Variants in TEX14 observed in about 807,000 individuals in gnomAD.
TEX14 encodes inactive serine/threonine-protein kinase TEX14.
A neutral mutation model predicts 178.6 loss-of-function variants in TEX14; 168 were observed. That is an observed-to-expected ratio of 0.94 (90% CI 0.83 to 1.07). The LOEUF (loss-of-function observed/expected upper bound fraction) is 1.07. Among genes scored for constraint, TEX14 ranks in the 50% least tolerant of loss-of-function variants. TEX14 has a pLI of 0.00. For missense variants in TEX14, 1,730 were observed against 1,753.6 expected, an observed-to-expected ratio of 0.99 and a Z score of 0.24; for synonymous variants, 626 against 634.1, an observed-to-expected ratio of 0.99 and a Z score of 0.19.
chr17:58,630,703 A>C (rs1307675285), intron 2 of TEX14, 149 bp from the exon 3 acceptor site: 1 of 595,744 alleles, frequency 1.7e-6, no homozygotes, highest in Non-Finnish European at 3.0e-6. Context: ...GAAGGTCTTC[A>C]TTAGTAGCAC....
chr17:58,621,789 G>C lies in TEX14; in HGVS notation c.418-3C>G. On this transcript the variant is annotated splice_region_variant and splice_polypyrimidine_tract_variant and intron_variant, in intron 4 of 31. Coordinates refer to ENST00000349033, the MANE Select transcript of TEX14 (RefSeq NM_031272.5). ...CAGCGCTGCATGAACTCCACTATCTGCAAAACATCGCAGAGATGCCCAGTG... is the reference window on the plus strand; with the variant it reads ...CAGCGCTGCATGAACTCCACTATCTCCAAAACATCGCAGAGATGCCCAGTG... 6.2e-7 allele frequency: 1 copy of C among 1,611,350 alleles called. No individual in the cohort carries two copies.
At chr17:58,659,241 A>G (rs898698817) in intron 1 of TEX14, 1 of 640,018 alleles carries the variant, frequency 1.6e-6, no homozygotes, top group African/African-American at 2.0e-5. Context: ...CACATAGTAA[A>G]AACCCTCCCC....
intron 27 of TEX14, among the ~76,000 whole-genome samples, 171 bp from the exon 28 acceptor site, chr17:58,565,139 C>T (rs2044371614): frequency 6.6e-6 from 1 of 152,206 alleles, no homozygotes; most frequent in Non-Finnish European, 1.5e-5. Context: ...TGCAGGCCAC[C>T]TGCATTTGCA....
At chr17:58,582,970 CTT>C (rs34304842) in intron 19 of TEX14, among the ~76,000 whole-genome samples, 41 of 134,566 alleles carry the variant, frequency 3.0e-4, no homozygotes, top group Admixed American at 3.8e-4. Context: ...TCACTTCAGT[CTT>C]TTTTTTTTTT....
intron 7 of TEX14, 54 bp from the exon 8 acceptor site, chr17:58,615,399 T>C (rs764561428): frequency 3.2e-4 from 340 of 1,066,788 alleles, no homozygotes; most frequent in Non-Finnish European, 2.3e-4. Context: ...CACTTACTCC[T>C]TCAATGAATA....
At chr17:58,588,585 T>C (rs954998103) in intron 15 of TEX14, among the ~76,000 whole-genome samples, 1 of 152,156 alleles carries the variant, frequency 6.6e-6, no homozygotes, top group Non-Finnish European at 1.5e-5. Context: ...ATGCCCGGCC[T>C]AACGTTTGTA....
Position 58,577,399 on chromosome 17 carries a change from C to G in TEX14, c.3296G>C (p.Arg1099Thr), listed in dbSNP as rs148446178. ...ILGKNAEILP[R>T]SQFQPVRSTE... Reference sequence around the variant, plus strand: ...CCTTCGTACAGGTTGAAATTGAGACCTGGGCAAAATCTCAGCATTCTTTCC... The same window carrying G: ...CCTTCGTACAGGTTGAAATTGAGACGTGGGCAAAATCTCAGCATTCTTTCC... The change falls in exon 21 of 32, where the codon AGG (arginine) becomes ACG (threonine). Residue 1099 changes from arginine to threonine, a missense_variant. By Grantham distance (71) the Arg-to-Thr change is moderately conservative. Coordinates refer to ENST00000349033, the MANE Select transcript of TEX14 (RefSeq NM_031272.5). 3.3e-6 allele frequency: 5 copies of G among 1,503,292 alleles called. No individual in the cohort carries two copies. The highest frequency in any genetic ancestry group is 4.5e-6 in the Non-Finnish European group (5 of 1,120,496). The allele number at this position is 1,503,292 out of a possible 1,614,324, so 93.1% of individuals were successfully genotyped here. A position where few individuals can be genotyped will look rare whatever the true frequency, so the allele number is the denominator to read the frequency against.
At chr17:58,602,355 G>T in intron 12 of TEX14, 45 bp downstream of exon 12, 1 of 1,544,020 alleles carries the variant, frequency 6.5e-7, no homozygotes, top group East Asian at 2.3e-5. Context: ...CTATTCTCCT[G>T]AGTTAGGTAA....
rs2047243648 is a variant in TEX14 at position 58,668,105 on chromosome 17, C to A, written c.-1-16103G>T. ...CCCCCCAGGTGATATCTGATCACCC[C>A]AGCCTGTCTTCAGCAAGAATCCTGT... On this transcript the variant is annotated intron_variant, in intron 1 of 31. Transcript: ENST00000349033. 2.0e-5 allele frequency among the ~76,000 whole-genome samples: 3 copies of A among 152,094 alleles called. No homozygotes were observed. In the South Asian group the frequency reaches 6.2e-4, roughly 32 times the overall value.
chr17:58,642,591 G>A lies in TEX14; in HGVS notation c.136+9275C>T, dbSNP rs151231312. 3.0e-3 allele frequency among the ~76,000 whole-genome samples: 455 copies of A among 151,212 alleles called. 1 individual carries two copies. The highest frequency in any genetic ancestry group is 8.7e-3 in the African/African-American group (359 of 41,118). ...TGACCAGGCTGGAATGTAATGGCAC[G>A]ATCTGGGCTCACTGCAACTTCTGCC... On this transcript the variant is annotated intron_variant, in intron 2 of 31. Coordinates refer to ENST00000349033, the MANE Select transcript of TEX14 (RefSeq NM_031272.5).
intron 5 of TEX14, 150 bp from the exon 6 acceptor site, chr17:58,617,769 C>T: frequency 1.7e-6 from 1 of 589,530 alleles, no homozygotes. Context: ...TAACAGCCAG[C>T]CTCTGAGAGG....
At chr17:58,688,543 GATTT>G (rs979538882) in intron 1 of TEX14, among the ~76,000 whole-genome samples, 1 of 152,196 alleles carries the variant, frequency 6.6e-6, no homozygotes, top group African/African-American at 2.4e-5. Flanking sequence ...AACAGACTCA[GATTT>G]ATTATGTACT....
chr17:58,573,049 T>G (rs1354598801), intron 23 of TEX14, 132 bp downstream of exon 23: 2 of 1,288,732 alleles, frequency 1.6e-6, no homozygotes, highest in Non-Finnish European at 1.1e-6. Context: ...TTACCCAGTT[T>G]TGGCCCTAAA....
At chr17:58,601,759 G>A (rs1408484736) in intron 13 of TEX14, 47 bp downstream of exon 13, 1 of 1,575,194 alleles carries the variant, frequency 6.3e-7, no homozygotes, top group Non-Finnish European at 8.7e-7. Context: ...GTGACTCTCA[G>A]AACACATTTG....
At chr17:58,581,083 C>T (rs35678735) in intron 19 of TEX14, among the ~76,000 whole-genome samples, 28,113 of 151,998 alleles carry the variant, frequency 0.18, 2,776 homozygotes, top group Non-Finnish European at 0.21. Context: ...GAGGCCGAGG[C>T]GGGCGGATCA....
chr17:58,663,868 G>T (rs953744062), intron 1 of TEX14, among the ~76,000 whole-genome samples: 2 of 152,160 alleles, frequency 1.3e-5, no homozygotes, highest in African/African-American at 4.8e-5. Flanking sequence ...ACAAAGCTCT[G>T]CAATAAAAAC....
At chr17:58,606,511 G>A (rs1409719030) in intron 10 of TEX14, among the ~76,000 whole-genome samples, 1 of 152,182 alleles carries the variant, frequency 6.6e-6, no homozygotes, top group East Asian at 1.9e-4. Context: ...CAAATCTTTG[G>A]ATAGAGGGCA....
intron 3 of TEX14, among the ~76,000 whole-genome samples, chr17:58,627,622 T>C (rs1420633455): frequency 6.6e-6 from 1 of 151,632 alleles, no homozygotes; most frequent in African/African-American, 2.4e-5. Flanking sequence ...AATACAAAAT[T>C]AGCCAGCTGT....
intron 1 of TEX14, among the ~76,000 whole-genome samples, chr17:58,669,343 C>T (rs913221612): frequency 6.6e-6 from 1 of 150,964 alleles, no homozygotes; most frequent in African/African-American, 2.4e-5. Context: ...AAGAGCGACA[C>T]TCTGTCTCAA....
Sources: allele counts gnomAD v4.1 joint callset (sites outside exome capture counted in the v4.1 genomes callset), GRCh38; gene constraint gnomAD v4.1.1; transcripts MANE v1.5; gene names NCBI Gene and HGNC (gene_info 2026-07-23, HGNC 2026-07-21).